PMPCB: variants seen among roughly 807,000 people sequenced by gnomAD.
The protein encoded by PMPCB is mitochondrial-processing peptidase subunit beta.
A neutral mutation model predicts 61.5 loss-of-function variants in PMPCB; 46 were observed. The observed-to-expected ratio is 0.75, with a 90% CI of 0.59 to 0.96. PMPCB has a LOEUF of 0.96. PMPCB is among the 40% of genes least tolerant of loss of function. PMPCB has a pLI of 0.00. For synonymous variants in PMPCB, 191 were observed against 201.6 expected (o/e 0.95, Z 0.44); for missense variants, 590 against 602.4 (o/e 0.98, Z 0.22).
intron 12 of PMPCB, chr7:103,327,240 C>G: frequency 1.6e-6 from 1 of 631,162 alleles, no homozygotes; most frequent in South Asian, 1.8e-5. Flanking sequence ...ACTAGGCTAG[C>G]AAAACATCTA....
chr7:103,326,403 A>G, intron 12 of PMPCB: 1 of 816,648 alleles, frequency 1.2e-6, no homozygotes, highest in East Asian at 2.7e-5. Flanking sequence ...TGAATATTGC[A>G]GAGAAGGAGG....
intron 1 of PMPCB, 32 bp downstream of exon 1, chr7:103,297,590 G>T: frequency 6.2e-7 from 1 of 1,611,568 alleles, no homozygotes; most frequent in Non-Finnish European, 8.5e-7. Flanking sequence ...TCCTGTCCTC[G>T]AGATCTCGCC....
downstream of PMPCB, chr7:103,317,359 T>G (rs1164381459): frequency 9.4e-6 from 2 of 213,876 alleles, no homozygotes; most frequent in Non-Finnish European, 1.8e-5. Flanking sequence ...ATATTCACCC[T>G]TTCTGCAGAC....
downstream of PMPCB, chr7:103,319,519 G>A: frequency 8.6e-7 from 1 of 1,160,492 alleles, no homozygotes; most frequent in Non-Finnish European, 1.3e-6. Context: ...GATACTCCCT[G>A]CACTTGGTGA....
In PMPCB at chr7:103,298,474, C is replaced by G. The variant is rs998632719; in HGVS notation, c.100-94C>G. ...AAGAAAGATTCTTTTATAGAGACAGCCTATTTAAAATAGATTTGGTTTTAA... is the reference window on the plus strand; with the variant it reads ...AAGAAAGATTCTTTTATAGAGACAGGCTATTTAAAATAGATTTGGTTTTAA... On this transcript the variant is annotated intron_variant, in intron 1 of 12. Coordinates refer to ENST00000249269, the MANE Select transcript of PMPCB (RefSeq NM_004279.3). The G allele has an allele frequency of 2.8e-5, 34 of 1,199,286 alleles. No individual in the cohort carries two copies. In the Admixed American group the frequency reaches 4.0e-4, roughly 14 times the overall value. The allele number at this position is 1,199,286 out of a possible 1,614,324, so 74.3% of individuals were successfully genotyped here.
rs1348050219 is a variant in PMPCB, at chr7:103,313,969, G to C, written c.*1698G>C. 1 of 985,234 alleles carries C rather than the reference G, an allele frequency of 1.0e-6. No homozygotes were observed. The highest frequency in any genetic ancestry group is 1.2e-6 in the Non-Finnish European group (1 of 829,934). 61.0% of individuals were successfully genotyped at this position (985,234 alleles called of 1,614,324 possible). On this transcript the variant is annotated 3_prime_UTR_variant, in exon 13 of 13. Transcript: ENST00000249269. ...ACTACTACTAGAAACTGCGGCCTGT[G>C]AGATCTGTTAAAAGTTAAGCCTAGA... is the stretch of plus-strand genomic sequence containing the variant.
At chr7:103,325,885 CAG>C (rs918510981) in intron 12 of PMPCB, among the ~76,000 whole-genome samples, 4 of 152,002 alleles carry the variant, frequency 2.6e-5, no homozygotes, top group Admixed American at 6.6e-5. Flanking sequence ...GACAATGAGT[CAG>C]AGAGTAGTAT....
chr7:103,345,110 C>G, the PMPCB span: 1 of 226,658 alleles, frequency 4.4e-6, no homozygotes, highest in Non-Finnish European at 8.5e-6. Flanking sequence ...GTATCGACGA[C>G]TAGTATATAC....
At position 103,297,485 on chromosome 7, in the gene PMPCB, T is replaced by C. The variant is rs774432031; in HGVS notation, c.26T>C (p.Val9Ala). The C allele has an allele frequency of 8.3e-6, 13 of 1,561,254 alleles. No individual in the cohort carries two copies. Among genetic ancestry groups the C allele is most frequent in the South Asian group, 7.2e-5 (6 of 82,834 alleles). Residue 9 changes from valine (V) to alanine (A), a missense_variant, in exon 1 of 13, where the codon GTG (valine) becomes GCG (alanine). Physicochemically the swap from Val to Ala is moderately conservative, Grantham distance 64 (BLOSUM62 0). Coordinates refer to ENST00000249269, the MANE Select transcript of PMPCB (RefSeq NM_004279.3). MAAAAARV[V>A]LSSAARRRLW... Reference sequence around the variant, plus strand: ...ATGGCGGCTGCGGCGGCTCGAGTGGTGTTGTCATCCGCGGCGCGGCGGCGG... The same window carrying C: ...ATGGCGGCTGCGGCGGCTCGAGTGGCGTTGTCATCCGCGGCGCGGCGGCGG...
downstream of PMPCB, chr7:103,316,959 A>T: frequency 6.2e-7 from 1 of 1,614,002 alleles, no homozygotes; most frequent in Non-Finnish European, 8.5e-7. Flanking sequence ...TGCTTGTCGC[A>T]TACGAGCCTC....
In PMPCB at chr7:103,307,691, A is replaced by C; in HGVS notation, c.832A>C (p.Lys278Gln). The C allele has an allele frequency of 6.2e-7, 1 of 1,606,192 alleles. No homozygotes were observed. Among genetic ancestry groups the C allele is most frequent in the Non-Finnish European group, 8.5e-7 (1 of 1,172,810 alleles). Reference sequence around the variant, plus strand: ...AGAAATACCAGCTCTGCCTCCCTGCAAATTCACAGGAAGTGAGGTAGGGCA... The same window carrying C: ...AGAAATACCAGCTCTGCCTCCCTGCCAATTCACAGGAAGTGAGGTAGGGCA... ...KGEIPALPPC[K>Q]FTGSEIRVRD... is the part of the protein sequence containing the mutation. Residue 278 changes from lysine to glutamine, a missense_variant, in exon 7 of 13, where the codon AAA becomes CAA. Transcript: ENST00000249269.
the PMPCB span, chr7:103,341,718 G>T: frequency 7.0e-7 from 1 of 1,438,542 alleles, no homozygotes; most frequent in Non-Finnish European, 9.3e-7. Context: ...AATTGTCTAT[G>T]TCTAACAAAG....
chr7:103,310,562 G>A, intron 9 of PMPCB, 87 bp downstream of exon 9: 1 of 1,050,932 alleles, frequency 9.5e-7, no homozygotes, highest in South Asian at 1.8e-5. Flanking sequence ...GTGATTTATG[G>A]TAATTTTACC....
chr7:103,302,765 C>CGGTA (rs1320732847), intron 4 of PMPCB, among the ~76,000 whole-genome samples: 11 of 152,188 alleles, frequency 7.2e-5, no homozygotes, highest in African/African-American at 2.4e-4. Context: ...AAACCAGACA[C>CGGTA]GGTAGTACAT....
chr7:103,304,449 C>A lies in PMPCB; in HGVS notation c.695C>A (p.Thr232Lys), dbSNP rs890707827. 3.1e-6 allele frequency: 5 copies of A among 1,606,922 alleles called. No homozygotes were observed. The African/African-American group carries it at 5.4e-5, about 17-fold the overall frequency. Residue 232 changes from threonine to lysine, a missense_variant, in exon 6 of 13, where the codon ACA (threonine) becomes AAA (lysine). Coordinates refer to ENST00000249269, the MANE Select transcript of PMPCB (RefSeq NM_004279.3). The part of the protein sequence containing the change: ...SRKDLVDYIT[T>K]HYKGPRIVLA... ...AAGGACTTAGTGGATTATATAACCA[C>A]ACATTATAAGGGGCCAAGAATAGTG...
chr7:103,328,838 T>C, intron 12 of PMPCB: 1 of 320,584 alleles, frequency 3.1e-6, no homozygotes, highest in South Asian at 2.9e-5. Flanking sequence ...TGGACATTTG[T>C]GCCATTTCCA....
At chr7:103,306,358 A>C (rs1817575155) in intron 6 of PMPCB, among the ~76,000 whole-genome samples, 1 of 150,714 alleles carries the variant, frequency 6.6e-6, no homozygotes, top group South Asian at 2.1e-4. Context: ...AGAAATTTAG[A>C]TGACACTATT....
chr7:103,328,932 A>C, exon 13 of PMPCB: 1 of 1,054,352 alleles, frequency 9.5e-7, no homozygotes. Context: ...TCTTCTTAGG[A>C]TATAATCACA....
the PMPCB span, chr7:103,344,912 T>G: frequency 1.8e-6 from 1 of 557,094 alleles, no homozygotes; most frequent in Non-Finnish European, 3.2e-6. Flanking sequence ...CCTAGGCGCA[T>G]CAGTTTTCCT....
Sources: gnomAD v4.1 joint callset for allele counts (sites outside exome capture counted in the v4.1 genomes callset) on GRCh38, gnomAD v4.1.1 for gene constraint, MANE v1.5 for transcripts, NCBI Gene and HGNC (gene_info 2026-07-23, HGNC 2026-07-21) for gene names.